LGSN: variants seen among roughly 807,000 people sequenced by gnomAD.
LGSN encodes lengsin, lens protein with glutamine synthetase domain.
LGSN carries 21 observed loss-of-function variants against 19.5 expected under a neutral mutation model. The ratio of observed to expected loss-of-function variants is 1.07; its 90% confidence interval spans 0.76 to 1.55. LGSN has a LOEUF of 1.55. Among genes scored for constraint, LGSN ranks in the 40% most tolerant of loss-of-function variants. The pLI is 0.00. For synonymous variants in LGSN, 257 were observed against 215.6 expected (o/e 1.19, Z -1.68); for missense variants, 673 against 608.5 (o/e 1.11, Z -1.12).
At chr6:63,419,619 T>G in the LGSN span, among the ~76,000 whole-genome samples, 1 of 152,038 alleles carries the variant, frequency 6.6e-6, no homozygotes, top group Non-Finnish European at 1.5e-5. Flanking sequence ...CCTGGCAGGG[T>G]GGCTCACGCC....
chr6:63,276,637 T>G lies in LGSN; in HGVS notation c.*3384A>C, dbSNP rs1320449705. On this transcript the variant is annotated 3_prime_UTR_variant, in exon 4 of 4. Coordinates refer to ENST00000370657, the MANE Select transcript of LGSN (RefSeq NM_016571.3). ...TTCAGCATTAGGTCTACAAAAAAAATTATTTATGTTCTGCTTAAGATACAC... is the reference window on the plus strand; with the variant it reads ...TTCAGCATTAGGTCTACAAAAAAAAGTATTTATGTTCTGCTTAAGATACAC... 1 of 152,168 alleles carries G rather than the reference T, an allele frequency of 6.6e-6. No homozygotes were observed. The highest frequency in any genetic ancestry group is 2.4e-5 in the African/African-American group (1 of 41,434). The allele number at this position is 152,168 out of a possible 1,614,324, so 9.4% of individuals were successfully genotyped here.
At chr6:63,317,740 C>T (rs545509917) in intron 1 of LGSN, among the ~76,000 whole-genome samples, 3 of 152,282 alleles carry the variant, frequency 2.0e-5, no homozygotes, top group African/African-American at 7.2e-5. Context: ...CATGGGGCTG[C>T]ACTTCATGCC....
the LGSN span, among the ~76,000 whole-genome samples, chr6:63,433,747 A>T: frequency 2.0e-5 from 3 of 152,228 alleles, no homozygotes; most frequent in Non-Finnish European, 4.4e-5. Flanking sequence ...CATATAGGCC[A>T]TGAGTATTCA....
chr6:63,356,240 A>C, the LGSN span, among the ~76,000 whole-genome samples: 1 of 152,176 alleles, frequency 6.6e-6, no homozygotes, highest in African/African-American at 2.4e-5. Flanking sequence ...CCACATTTAA[A>C]AAAATAATAA....
At chr6:63,478,229 G>C in the LGSN span, among the ~76,000 whole-genome samples, 1 of 152,138 alleles carries the variant, frequency 6.6e-6, no homozygotes, top group Non-Finnish European at 1.5e-5. Context: ...AAGGCTATTA[G>C]AGCAAAGAGG....
the LGSN span, among the ~76,000 whole-genome samples, chr6:63,471,421 T>C: frequency 1.5e-4 from 23 of 151,818 alleles, 1 homozygote; most frequent in Middle Eastern, 3.4e-3. Flanking sequence ...ATCCCAGCAT[T>C]TTGGGAGGCC....
At chr6:63,432,179 G>GAAAGAAAGAAAGAAAGGGAAAGAAAGA in the LGSN span, among the ~76,000 whole-genome samples, 1 of 113,560 alleles carries the variant, frequency 8.8e-6, no homozygotes, top group African/African-American at 3.4e-5. Flanking sequence ...GAAAAGGAAA[G>GAAAGAAAGAAAGAAAGGGAAAGAAAGA]AAAGAAAAGA....
intron 2 of LGSN, among the ~76,000 whole-genome samples, chr6:63,290,010 A>T (rs145354009): frequency 6.6e-6 from 1 of 152,098 alleles, no homozygotes; most frequent in African/African-American, 2.4e-5. Flanking sequence ...CAAAGCAGGG[A>T]AAAAAAGCAA....
the LGSN span, among the ~76,000 whole-genome samples, chr6:63,567,134 T>G: frequency 6.6e-6 from 1 of 152,224 alleles, no homozygotes; most frequent in Non-Finnish European, 1.5e-5. Context: ...AGGTCATCCA[T>G]GAGAGTTGGA....
At chr6:63,562,665 A>G in the LGSN span, among the ~76,000 whole-genome samples, 3 of 152,218 alleles carry the variant, frequency 2.0e-5, no homozygotes, top group Admixed American at 1.3e-4. Flanking sequence ...GAAAACAACA[A>G]GAGCACAATA....
chr6:63,431,053 A>T, the LGSN span, among the ~76,000 whole-genome samples: 2 of 152,138 alleles, frequency 1.3e-5, no homozygotes, highest in Non-Finnish European at 2.9e-5. Flanking sequence ...CTCTTCTAAA[A>T]CTTTGTAGTC....
At chr6:63,558,350 G>C in the LGSN span, among the ~76,000 whole-genome samples, 4 of 152,212 alleles carry the variant, frequency 2.6e-5, no homozygotes, top group Non-Finnish European at 4.4e-5. Flanking sequence ...TAAGGCTTTT[G>C]ACAGTAAAAA....
chr6:63,494,538 G>A, the LGSN span, among the ~76,000 whole-genome samples: 1 of 152,148 alleles, frequency 6.6e-6, no homozygotes, highest in Non-Finnish European at 1.5e-5. Context: ...GAAGGTCTTT[G>A]AGAATTGGCA....
At chr6:63,407,097 G>A in the LGSN span, among the ~76,000 whole-genome samples, 1 of 151,854 alleles carries the variant, frequency 6.6e-6, no homozygotes, top group Non-Finnish European at 1.5e-5. Flanking sequence ...TTCTACCAGA[G>A]GTACAAGGAG....
intron 1 of LGSN, among the ~76,000 whole-genome samples, chr6:63,308,812 A>G (rs576926061): frequency 2.0e-4 from 30 of 152,186 alleles, no homozygotes; most frequent in Non-Finnish European, 3.7e-4. Context: ...ACTTAAAAGA[A>G]TATGTCAAAG....
the LGSN span, among the ~76,000 whole-genome samples, chr6:63,390,962 T>C: frequency 1.3e-5 from 2 of 152,148 alleles, no homozygotes; most frequent in Admixed American, 1.3e-4. Context: ...ATTTGAATTA[T>C]AACAAGTTCC....
the LGSN span, among the ~76,000 whole-genome samples, chr6:63,346,945 T>A: frequency 6.6e-6 from 1 of 152,142 alleles, no homozygotes; most frequent in Admixed American, 6.6e-5. Context: ...AGGGGTAGCA[T>A]CTCCTGGCGA....
At chr6:63,493,204 G>A in the LGSN span, among the ~76,000 whole-genome samples, 1 of 152,136 alleles carries the variant, frequency 6.6e-6, no homozygotes, top group Non-Finnish European at 1.5e-5. Flanking sequence ...GGAGAATTAG[G>A]TCACAAAGAC....
the LGSN span, among the ~76,000 whole-genome samples, chr6:63,331,722 T>C: frequency 1.3e-5 from 2 of 152,182 alleles, no homozygotes; most frequent in South Asian, 2.1e-4. Context: ...GCAGAAACAT[T>C]AGTTTTCCTC....
Sources: gnomAD v4.1 joint callset for allele counts (sites outside exome capture counted in the v4.1 genomes callset) on GRCh38, gnomAD v4.1.1 for gene constraint, MANE v1.5 for transcripts, NCBI Gene and HGNC (gene_info 2026-07-23, HGNC 2026-07-21) for gene names.